The following OSMR variants were observed in gnomAD, a reference collection of about 807,000 sequenced individuals.
The protein encoded by OSMR is oncostatin-M-specific receptor subunit beta.
OSMR carries 81 observed loss-of-function variants against 99.9 expected under a neutral mutation model. The observed-to-expected ratio is 0.81, with a 90% CI of 0.68 to 0.97. The LOEUF is 0.97. Among genes scored for constraint, OSMR ranks in the 50% least tolerant of loss-of-function variants. OSMR has a pLI of 0.00. For missense variants in OSMR, 1,099 were observed against 1,153.4 expected (o/e 0.95, Z 0.68); for synonymous variants, 406 against 410.4 (o/e 0.99, Z 0.13).
chr5:38,880,890 A>C (rs1743229071), intron 3 of OSMR, among the ~76,000 whole-genome samples: 1 of 152,262 alleles, frequency 6.6e-6, no homozygotes, highest in Admixed American at 6.5e-5. Flanking sequence ...CTGTGTCAAA[A>C]GCCCAAATTA....
intron 1 of OSMR, among the ~76,000 whole-genome samples, chr5:38,861,886 C>T (rs1483763140): frequency 2.4e-4 from 33 of 139,034 alleles, no homozygotes; most frequent in African/African-American, 5.0e-4. Context: ...GACCCCCCCA[C>T]CTCCCTCCCG....
chr5:38,847,590 C>A (rs1739968714), intron 1 of OSMR, among the ~76,000 whole-genome samples: 1 of 152,180 alleles, frequency 6.6e-6, no homozygotes, highest in Non-Finnish European at 1.5e-5. Context: ...CCAAACTCCG[C>A]TGTGTCTGAG....
chr5:38,857,456 C>CG (rs1185564159), intron 1 of OSMR, among the ~76,000 whole-genome samples: 1 of 135,206 alleles, frequency 7.4e-6, no homozygotes, highest in East Asian at 3.0e-4. Context: ...TTAGTTTTCC[C>CG]CCGGCTTTAA....
intron 12 of OSMR, 127 bp from the exon 13 acceptor site, chr5:38,923,023 G>A: frequency 9.3e-7 from 1 of 1,075,340 alleles, no homozygotes; most frequent in Non-Finnish European, 1.4e-6. Flanking sequence ...TGATCCGCCT[G>A]CCTCGGCCTC....
intron 8 of OSMR, 80 bp downstream of exon 8, chr5:38,904,104 T>C (rs777431934): frequency 1.1e-5 from 17 of 1,579,648 alleles, no homozygotes; most frequent in Non-Finnish European, 1.2e-5. Context: ...AAAATCACTT[T>C]AAACTCTTAT....
chr5:38,856,220 A>G (rs1740826719), intron 1 of OSMR, among the ~76,000 whole-genome samples: 1 of 152,152 alleles, frequency 6.6e-6, no homozygotes, highest in Non-Finnish European at 1.5e-5. Flanking sequence ...GTGTTTTTTC[A>G]TACTGCATCA....
chr5:38,869,261 A>G (rs377262576), intron 2 of OSMR, 144 bp downstream of exon 2: 31 of 772,226 alleles, frequency 4.0e-5, no homozygotes, highest in Non-Finnish European at 5.8e-5. Flanking sequence ...AGATTTGTCA[A>G]TCTCTCTAAG....
At chr5:38,913,821 A>G (rs1745746455) in intron 9 of OSMR, among the ~76,000 whole-genome samples, 1 of 152,198 alleles carries the variant, frequency 6.6e-6, no homozygotes, top group South Asian at 2.1e-4. Flanking sequence ...TTAAAAGCCA[A>G]TGTTCTTACA....
chr5:38,919,610 A>G (rs1352036391), intron 11 of OSMR: 1 of 298,082 alleles, frequency 3.4e-6, no homozygotes, highest in Non-Finnish European at 6.5e-6. Flanking sequence ...ATGCCAAATC[A>G]ATAGTGATAT....
At chr5:38,908,411 C>T (rs1439106221) in intron 9 of OSMR, among the ~76,000 whole-genome samples, 1 of 152,230 alleles carries the variant, frequency 6.6e-6, no homozygotes, top group East Asian at 1.9e-4. Context: ...AGCTGATGCA[C>T]ATACAAACCA....
intron 15 of OSMR, among the ~76,000 whole-genome samples, chr5:38,929,961 C>T (rs1746647154): frequency 6.6e-6 from 1 of 152,232 alleles, no homozygotes; most frequent in Admixed American, 6.5e-5. Flanking sequence ...ACATGATTAA[C>T]TATTCTCCTG....
Position 38,944,305 on chromosome 5 carries a change from T to C in OSMR, c.*72T>C, listed in dbSNP as rs1747934400. 4 of 826,916 alleles carry C rather than the reference T, an allele frequency of 4.8e-6. No homozygotes were observed. The Admixed American group carries it at 5.6e-5, about 11-fold the overall frequency. 51.2% of individuals were successfully genotyped at this position (826,916 alleles called of 1,614,324 possible). ...GTTTTGGCTGAAGTATTAAAGAAAA[T>C]CTAGCCTCACACAGGTATGCAATGC... is the stretch of plus-strand genomic sequence containing the variant. On this transcript the variant is annotated 3_prime_UTR_variant and NMD_transcript_variant, in exon 2 of 3. Transcript: ENST00000508882.
chr5:38,868,358 C>T (rs1742102255), intron 1 of OSMR, among the ~76,000 whole-genome samples: 1 of 152,156 alleles, frequency 6.6e-6, no homozygotes, highest in Non-Finnish European at 1.5e-5. Flanking sequence ...CTTCTGGTTC[C>T]AGTAGGTGAT....
At chr5:38,889,869 T>C (rs1579717529) in intron 7 of OSMR, among the ~76,000 whole-genome samples, 1 of 152,350 alleles carries the variant, frequency 6.6e-6, no homozygotes, top group African/African-American at 2.4e-5. Flanking sequence ...CTGTTGTTCC[T>C]TTTACTTTCA....
At chr5:38,869,768 T>C (rs989354119) in intron 2 of OSMR, among the ~76,000 whole-genome samples, 7 of 152,220 alleles carry the variant, frequency 4.6e-5, no homozygotes, top group Admixed American at 2.0e-4. Flanking sequence ...ACTATATTAC[T>C]TTGAACTTGT....
chr5:38,941,175 A>C (rs1190292732), intron 1 of OSMR: 2 of 232,836 alleles, frequency 8.6e-6, no homozygotes, highest in Non-Finnish European at 1.7e-5. Context: ...AAATGGATAA[A>C]GGCAATTAAT....
At chr5:38,914,927 C>T (rs1456477662) in intron 9 of OSMR, among the ~76,000 whole-genome samples, 1 of 152,168 alleles carries the variant, frequency 6.6e-6, no homozygotes, top group Non-Finnish European at 1.5e-5. Flanking sequence ...TTCCAAACCT[C>T]AGCATTGCAC....
chr5:38,866,869 ACCACTGGGGATCT>A (rs1473525558), intron 1 of OSMR, among the ~76,000 whole-genome samples: 4 of 151,994 alleles, frequency 2.6e-5, no homozygotes, highest in Non-Finnish European at 4.4e-5. Flanking sequence ...AGGAATATGA[ACCACTGGGGATCT>A]CTCACTTAAC....
chr5:38,904,583 A>G, intron 9 of OSMR, 80 bp downstream of exon 9: 3 of 1,564,186 alleles, frequency 1.9e-6, no homozygotes, highest in Non-Finnish European at 2.6e-6. Context: ...TTTTGGTTGT[A>G]CCAAAAACTA....
Sources: gnomAD v4.1 joint callset for allele counts (sites outside exome capture counted in the v4.1 genomes callset) on GRCh38, gnomAD v4.1.1 for gene constraint, MANE v1.5 for transcripts, NCBI Gene and HGNC (gene_info 2026-07-23, HGNC 2026-07-21) for gene names.